The following SERGEF variants were observed in gnomAD, a reference collection of about 807,000 sequenced individuals.
SERGEF encodes secretion regulating guanine nucleotide exchange factor.
SERGEF carries 51 observed loss-of-function variants against 50.0 expected under a neutral mutation model. The ratio of observed to expected loss-of-function variants is 1.02; its 90% CI spans 0.81 to 1.29. The LOEUF is 1.29. SERGEF is among the 50% of genes most tolerant of loss of function. The pLI is 0.00. For missense variants in SERGEF, 521 were observed against 557.0 expected (o/e 0.94, Z 0.65); for synonymous variants, 205 against 212.4 (o/e 0.97, Z 0.30).
At chr11:17,924,815 G>A (rs1852220225) in intron 9 of SERGEF, among the ~76,000 whole-genome samples, 1 of 152,144 alleles carries the variant, frequency 6.6e-6, no homozygotes. Context: ...GTAGGTCTAT[G>A]AGTTGTAATA....
At chr11:17,831,551 C>A (rs1435337186) in intron 10 of SERGEF, among the ~76,000 whole-genome samples, 2 of 152,178 alleles carry the variant, frequency 1.3e-5, no homozygotes, top group African/African-American at 4.8e-5. Flanking sequence ...GATCCCATTT[C>A]TGAGGACTTA....
chr11:17,887,317 T>A (rs779354998), intron 9 of SERGEF, among the ~76,000 whole-genome samples: 2 of 152,288 alleles, frequency 1.3e-5, no homozygotes, highest in East Asian at 1.9e-4. Flanking sequence ...ATATCTCTGG[T>A]CCTTGCCAAC....
chr11:17,907,835 A>G (rs1851878456), intron 9 of SERGEF, among the ~76,000 whole-genome samples: 2 of 152,310 alleles, frequency 1.3e-5, no homozygotes, highest in African/African-American at 2.4e-5. Context: ...AACAAACATC[A>G]GGTTTCTCTT....
chr11:17,935,439 A>T (rs1852432634), intron 9 of SERGEF, among the ~76,000 whole-genome samples: 1 of 152,200 alleles, frequency 6.6e-6, no homozygotes, highest in Non-Finnish European at 1.5e-5. Context: ...ACTGTATTCC[A>T]GCCTGGGAAA....
At chr11:17,988,453 G>T in intron 8 of SERGEF, 144 bp downstream of exon 8, 1 of 720,876 alleles carries the variant, frequency 1.4e-6, no homozygotes, top group Non-Finnish European at 2.1e-6. Flanking sequence ...TATCTGGCTG[G>T]TGGCAGAACT....
chr11:17,809,678 C>T (rs776072394), intron 10 of SERGEF, among the ~76,000 whole-genome samples: 4 of 151,940 alleles, frequency 2.6e-5, no homozygotes, highest in Non-Finnish European at 5.9e-5. Context: ...GAGGGCAGGA[C>T]GGAGAGAAAG....
chr11:17,910,711 A>G (rs1266757622), intron 9 of SERGEF, among the ~76,000 whole-genome samples: 4 of 152,150 alleles, frequency 2.6e-5, no homozygotes, highest in African/African-American at 4.8e-5. Flanking sequence ...GGACATAGAG[A>G]AAAAAAATCA....
chr11:17,833,949 G>A (rs1193004214), intron 10 of SERGEF, among the ~76,000 whole-genome samples: 1 of 152,200 alleles, frequency 6.6e-6, no homozygotes, highest in Non-Finnish European at 1.5e-5. Context: ...ACTCTGGACT[G>A]TGGACTTCTG....
intron 9 of SERGEF, among the ~76,000 whole-genome samples, chr11:17,894,742 C>T (rs192921992): frequency 6.6e-6 from 1 of 152,276 alleles, no homozygotes; most frequent in African/African-American, 2.4e-5. Flanking sequence ...ATGAATGACA[C>T]TGAATTTATC....
intron 9 of SERGEF, among the ~76,000 whole-genome samples, chr11:17,911,380 AATATATATACACAC>A (rs948535552): frequency 6.8e-6 from 1 of 147,314 alleles, no homozygotes; most frequent in African/African-American, 2.5e-5. Flanking sequence ...ATATATATAA[AATATATATACACAC>A]ATATATATAC....
chr11:17,792,531 CCTGG>C (rs1277590743), intron 10 of SERGEF, among the ~76,000 whole-genome samples: 1 of 152,200 alleles, frequency 6.6e-6, no homozygotes, highest in Admixed American at 6.5e-5. Context: ...GGAAGCTACG[CCTGG>C]GACCGGGGTA....
rs533072626 is a variant in SERGEF at position 17,817,894 on chromosome 11, G to T, written c.1049-29481C>A. On this transcript the variant is annotated intron_variant, in intron 10 of 10. Coordinates refer to ENST00000265965, the MANE Select transcript of SERGEF (RefSeq NM_012139.4). ...CAACCTAAACTCAGGGAGGCCAGTT[G>T]ACTTCATTTGTCCTCTGGGTTGAAA... 2.0e-4 allele frequency among the ~76,000 whole-genome samples: 31 copies of T among 152,288 alleles called. No homozygotes were observed. The South Asian group carries it at 3.9e-3, about 19-fold the overall frequency.
intron 9 of SERGEF, among the ~76,000 whole-genome samples, chr11:17,908,754 C>A (rs1851898354): frequency 6.6e-6 from 1 of 152,150 alleles, no homozygotes; most frequent in South Asian, 2.1e-4. Flanking sequence ...CAAAGCAATA[C>A]TGACAGGACA....
chr11:17,924,668 T>A, intron 9 of SERGEF, among the ~76,000 whole-genome samples: 1 of 118,884 alleles, frequency 8.4e-6, no homozygotes, highest in Non-Finnish European at 1.7e-5. Flanking sequence ...GTGATTTGGG[T>A]TGAGAAGAAA....
At chr11:18,002,482 A>G (rs1158830622) in intron 4 of SERGEF, among the ~76,000 whole-genome samples, 3 of 152,180 alleles carry the variant, frequency 2.0e-5, no homozygotes, top group African/African-American at 7.2e-5. Flanking sequence ...CTCCTGTTTC[A>G]TTCCGTTGCA....
chr11:17,912,584 C>T, intron 9 of SERGEF, among the ~76,000 whole-genome samples: 1 of 152,188 alleles, frequency 6.6e-6, no homozygotes, highest in Non-Finnish European at 1.5e-5. Flanking sequence ...GTATGCCAGG[C>T]ATTGTACTAA....
rs117263122 is a variant in SERGEF, at chr11:17,965,871, C to T, written c.845-6235G>A. On this transcript the variant is annotated intron_variant, in intron 8 of 10. Transcript: ENST00000265965. ...AGCAAACTACTCAACAGCTCTAAGT[C>T]TTATCTGCAGAATGAAAACAAAAGC... 2.9e-3 allele frequency among the ~76,000 whole-genome samples: 445 copies of T among 152,338 alleles called. 1 individual carries two copies. The highest frequency in any genetic ancestry group is 5.3e-3 in the Non-Finnish European group (359 of 68,026).
intron 7 of SERGEF, among the ~76,000 whole-genome samples, chr11:17,989,990 T>C (rs1321131351): frequency 6.6e-6 from 1 of 152,232 alleles, no homozygotes; most frequent in Admixed American, 6.5e-5. Context: ...AGAAGATAAA[T>C]TAATCAAGGC....
intron 9 of SERGEF, among the ~76,000 whole-genome samples, chr11:17,953,761 A>G (rs1232516237): frequency 1.3e-5 from 2 of 152,178 alleles, no homozygotes; most frequent in Non-Finnish European, 2.9e-5. Context: ...TGGATTTTCT[A>G]TTTTAGTGAG....
Sources: allele counts gnomAD v4.1 joint callset (sites outside exome capture counted in the v4.1 genomes callset), GRCh38; gene constraint gnomAD v4.1.1; transcripts MANE v1.5; gene names NCBI Gene and HGNC (gene_info 2026-07-23, HGNC 2026-07-21).